The following MARCHF1 variants were observed in gnomAD, a reference collection of about 807,000 sequenced individuals.
MARCHF1 encodes the protein E3 ubiquitin-protein ligase MARCHF1.
Under a neutral mutation model 54.2 loss-of-function variants are expected in MARCHF1, and 40 were observed. That is an observed-to-expected ratio of 0.74 (90% CI 0.57 to 0.96). MARCHF1 has a LOEUF of 0.96. Among genes scored for constraint, MARCHF1 ranks in the 40% least tolerant of loss-of-function variants. The probability of loss-of-function intolerance (pLI) is 0.00; values close to 1 mark genes in which losing one functional copy is unlikely to be tolerated. For synonymous variants in MARCHF1, 236 were observed against 236.3 expected (o/e 1.00, Z 0.01); for missense variants, 586 against 656.5 (o/e 0.89, Z 1.17).
At chr4:163,840,439 A>G (rs1461758185) in intron 4 of MARCHF1, among the ~76,000 whole-genome samples, 6 of 152,090 alleles carry the variant, frequency 3.9e-5, no homozygotes, top group Non-Finnish European at 1.5e-5. Flanking sequence ...AATTTGTTTC[A>G]TGGGTATATT....
At chr4:164,018,740 T>C (rs967781242) in intron 2 of MARCHF1, among the ~76,000 whole-genome samples, 2 of 152,180 alleles carry the variant, frequency 1.3e-5, no homozygotes, top group Non-Finnish European at 2.9e-5. Context: ...AAATTAAACT[T>C]TCTGCCTTTT....
rs1178823027 is a variant in MARCHF1, at chr4:163,537,162, T to G, written c.1340-8116A>C. Reference sequence around the variant, plus strand: ...TAAGGATTGTATGTGGAAAACTCACTTTAAGGACATCTTGAGAGGAGATGC... The same window carrying G: ...TAAGGATTGTATGTGGAAAACTCACGTTAAGGACATCTTGAGAGGAGATGC... On this transcript the variant is annotated intron_variant, in intron 9 of 9. Coordinates refer to ENST00000514618, the MANE Select transcript of MARCHF1 (RefSeq NM_001394959.1). Among the ~76,000 whole-genome samples the G allele has an allele frequency of 2.0e-5, 3 of 152,128 alleles. No homozygotes were observed. In the East Asian group the frequency reaches 5.8e-4, roughly 29 times the overall value.
intron 5 of MARCHF1, among the ~76,000 whole-genome samples, chr4:163,672,426 A>G (rs1054946680): frequency 6.6e-6 from 1 of 152,172 alleles, no homozygotes; most frequent in Middle Eastern, 3.2e-3. Context: ...GAAGCACTTA[A>G]TAAATACCAG....
At chr4:163,721,968 T>C (rs897958708) in intron 4 of MARCHF1, among the ~76,000 whole-genome samples, 1 of 152,106 alleles carries the variant, frequency 6.6e-6, no homozygotes, top group African/African-American at 2.4e-5. Flanking sequence ...TGTTGATCGT[T>C]TCAAAAAACC....
At chr4:163,912,904 A>G (rs767757934) in intron 3 of MARCHF1, among the ~76,000 whole-genome samples, 7 of 152,238 alleles carry the variant, frequency 4.6e-5, no homozygotes, top group Non-Finnish European at 8.8e-5. Context: ...AGCTTCATAA[A>G]TTGAAAGATA....
chr4:163,604,516 C>T (rs1741081023), intron 7 of MARCHF1, among the ~76,000 whole-genome samples: 1 of 152,152 alleles, frequency 6.6e-6, no homozygotes, highest in Admixed American at 6.6e-5. Context: ...ACAGCCATGG[C>T]TTTCTAATTG....
chr4:164,291,347 T>C (rs920135489), intron 1 of MARCHF1, among the ~76,000 whole-genome samples: 2 of 152,040 alleles, frequency 1.3e-5, no homozygotes, highest in African/African-American at 4.8e-5. Flanking sequence ...GCTATGAATT[T>C]AAATGCAATA....
At chr4:164,065,819 G>C (rs1754714878) in intron 2 of MARCHF1, among the ~76,000 whole-genome samples, 1 of 152,176 alleles carries the variant, frequency 6.6e-6, no homozygotes, top group Non-Finnish European at 1.5e-5. Flanking sequence ...CAAAGAACCT[G>C]GAGTCTGATG....
chr4:163,833,345 A>T (rs1749084656), intron 4 of MARCHF1, among the ~76,000 whole-genome samples: 2 of 152,218 alleles, frequency 1.3e-5, no homozygotes, highest in Admixed American at 6.5e-5. Context: ...AGCAATGGCA[A>T]CAAAAGCCAA....
chr4:164,243,654 C>T (rs1476389098), intron 1 of MARCHF1, among the ~76,000 whole-genome samples: 2 of 145,992 alleles, frequency 1.4e-5, no homozygotes, highest in Non-Finnish European at 1.5e-5. Context: ...TTAAAAGACA[C>T]AGACTGGCAA....
intron 2 of MARCHF1, among the ~76,000 whole-genome samples, chr4:164,019,813 T>C (rs1753623012): frequency 6.6e-6 from 1 of 152,206 alleles, no homozygotes; most frequent in African/African-American, 2.4e-5. Flanking sequence ...TGGGATAGTA[T>C]AGGGCAGACA....
intron 5 of MARCHF1, among the ~76,000 whole-genome samples, chr4:163,653,671 G>C (rs1359639892): frequency 6.6e-6 from 1 of 151,646 alleles, no homozygotes; most frequent in African/African-American, 2.4e-5. Context: ...AGAAAGGAAA[G>C]AAGGTAGACA....
rs148491037 is a variant in MARCHF1 at position 164,306,717 on chromosome 4, G to T, written c.-323+77153C>A. ...TGTGATTCAGCGCACATACAGAAAG[G>T]TTGCAAATTTTTAAAAAACTGGCTC... On this transcript the variant is annotated intron_variant, in intron 1 of 9. Coordinates refer to ENST00000514618, the MANE Select transcript of MARCHF1 (RefSeq NM_001394959.1). Among the ~76,000 whole-genome samples the T allele has an allele frequency of 2.6e-5, 4 of 152,064 alleles. No individual in the cohort carries two copies. In the East Asian group the frequency reaches 5.8e-4, roughly 22 times the overall value.
At chr4:164,024,983 G>A (rs1321246673) in intron 2 of MARCHF1, among the ~76,000 whole-genome samples, 1 of 150,150 alleles carries the variant, frequency 6.7e-6, no homozygotes, top group Non-Finnish European at 1.5e-5. Flanking sequence ...AATTAAGAAG[G>A]ACAAAGAAGG....
intron 1 of MARCHF1, among the ~76,000 whole-genome samples, chr4:164,218,076 C>T (rs1162907663): frequency 1.3e-5 from 2 of 151,560 alleles, no homozygotes; most frequent in African/African-American, 4.9e-5. Flanking sequence ...CTATGAGAAA[C>T]ATTTAGACAA....
chr4:164,303,606 A>C (rs1467923572), intron 1 of MARCHF1, among the ~76,000 whole-genome samples: 1 of 152,212 alleles, frequency 6.6e-6, no homozygotes, highest in Non-Finnish European at 1.5e-5. Flanking sequence ...ATTCATTTCT[A>C]TATGAAATTA....
intron 2 of MARCHF1, among the ~76,000 whole-genome samples, chr4:164,109,600 CT>C (rs1417454877): frequency 6.6e-6 from 1 of 151,596 alleles, no homozygotes; most frequent in African/African-American, 2.4e-5. Context: ...CTCCTTGCAC[CT>C]TTCCCACATA....
chr4:163,986,249 CTTTTTTTTTTTTTTTTTT>C (rs869081083), intron 3 of MARCHF1, among the ~76,000 whole-genome samples: 4 of 28,830 alleles, frequency 1.4e-4, no homozygotes, highest in East Asian at 1.0e-3. Flanking sequence ...TTAACCTCTT[CTTTTTTTTTTTTTTTTTT>C]TTTTTTTTTT....
chr4:164,319,938 T>C (rs2110756068), intron 1 of MARCHF1, among the ~76,000 whole-genome samples: 1 of 152,294 alleles, frequency 6.6e-6, no homozygotes, highest in Non-Finnish European at 1.5e-5. Flanking sequence ...CCAAGCAGTT[T>C]ATGGTACATT....
Sources: allele counts gnomAD v4.1 joint callset (sites outside exome capture counted in the v4.1 genomes callset), GRCh38; gene constraint gnomAD v4.1.1; transcripts MANE v1.5; gene names NCBI Gene and HGNC (gene_info 2026-07-23, HGNC 2026-07-21).